Variants in MKLN1 observed in about 807,000 individuals in gnomAD.
MKLN1 encodes muskelin.
In MKLN1, 18 loss-of-function variants were observed where a neutral mutation model predicts 99.0. The observed-to-expected ratio is 0.18, with a 90% CI of 0.13 to 0.27. MKLN1 has a LOEUF of 0.27. Among genes scored for constraint, MKLN1 ranks in the 10% least tolerant of loss-of-function variants. The pLI is 1.00. For synonymous variants in MKLN1, 288 were observed against 293.2 expected, an observed-to-expected ratio of 0.98 and a Z score of 0.18; for missense variants, 621 against 875.9, an observed-to-expected ratio of 0.71 and a Z score of 3.67.
chr7:131,128,302 G>A (rs1215599963), intron 1 of MKLN1, among the ~76,000 whole-genome samples: 4 of 151,990 alleles, frequency 2.6e-5, no homozygotes, highest in Non-Finnish European at 5.9e-5. Flanking sequence ...AATGTGAAAA[G>A]TGACCCATAT....
chr7:131,439,452 A>G (rs190994409), intron 10 of MKLN1, among the ~76,000 whole-genome samples: 6 of 152,328 alleles, frequency 3.9e-5, no homozygotes, highest in African/African-American at 1.2e-4. Context: ...GGTACAGCAG[A>G]ACACTGGGGG....
chr7:131,387,097 A>G (rs1298371095), intron 2 of MKLN1, 23 bp from the exon 3 acceptor site: 2 of 1,573,874 alleles, frequency 1.3e-6, no homozygotes, highest in Non-Finnish European at 1.7e-6. Context: ...AAGAGGATAT[A>G]ATTTGGTCGT....
At chr7:131,396,630 G>A (rs1332256091) in intron 4 of MKLN1, among the ~76,000 whole-genome samples, 1 of 151,646 alleles carries the variant, frequency 6.6e-6, no homozygotes, top group African/African-American at 2.4e-5. Flanking sequence ...TATATATTGA[G>A]GGTTTAAAAA....
At chr7:131,350,032 C>G (rs80296009) in intron 1 of MKLN1, among the ~76,000 whole-genome samples, 1 of 151,980 alleles carries the variant, frequency 6.6e-6, no homozygotes, top group South Asian at 2.1e-4. Context: ...TGGTAACTAA[C>G]GATACTACAA....
In MKLN1 at chr7:131,328,077, C is replaced by T. The variant is rs1450181768; in HGVS notation, c.98+80C>T. 8 of 1,507,690 alleles carry T rather than the reference C, an allele frequency of 5.3e-6. No individual in the cohort carries two copies. The African/African-American group carries it at 6.9e-5, about 13-fold the overall frequency. The allele number at this position is 1,507,690 out of a possible 1,614,324, so 93.4% of individuals were successfully genotyped here. The stretch of plus-strand genomic sequence containing the variant: ...GGGCCAGGGGTGCAATGGAGGGCAG[C>T]CGAGCCGAGAGGCCCAGGCGGGGCC... On this transcript the variant is annotated intron_variant, in intron 1 of 17. Coordinates refer to ENST00000352689, the MANE Select transcript of MKLN1 (RefSeq NM_013255.5).
At chr7:131,416,555 C>G (rs536311553) in intron 8 of MKLN1, among the ~76,000 whole-genome samples, 9 of 148,438 alleles carry the variant, frequency 6.1e-5, no homozygotes, top group Non-Finnish European at 1.2e-4. Flanking sequence ...GAGTCTTGCT[C>G]TGTCGCCCAG....
At chr7:131,192,054 ATG>A (rs1796550832) in intron 2 of MKLN1, among the ~76,000 whole-genome samples, 1 of 101,672 alleles carries the variant, frequency 9.8e-6, no homozygotes, top group African/African-American at 4.1e-5. Flanking sequence ...ATATGTATAC[ATG>A]TATATATATA....
intron 2 of MKLN1, among the ~76,000 whole-genome samples, chr7:131,382,875 C>A (rs1488576153): frequency 6.6e-6 from 1 of 151,982 alleles, no homozygotes; most frequent in Non-Finnish European, 1.5e-5. Flanking sequence ...AGGTGCCCAC[C>A]ACCACGCCCG....
intron 3 of MKLN1, among the ~76,000 whole-genome samples, chr7:131,292,182 T>C (rs1056257813): frequency 1.3e-5 from 2 of 152,182 alleles, no homozygotes; most frequent in African/African-American, 4.8e-5. Flanking sequence ...CATGAAAATG[T>C]TGTTTGTATG....
intron 1 of MKLN1, among the ~76,000 whole-genome samples, chr7:131,125,668 C>G (rs973992314): frequency 1.3e-5 from 2 of 152,054 alleles, no homozygotes; most frequent in Non-Finnish European, 2.9e-5. Flanking sequence ...GTCAGGAGTT[C>G]GAGACCAGCC....
At chr7:131,322,427 T>C (rs1251938684) in intron 3 of MKLN1, among the ~76,000 whole-genome samples, 1 of 152,196 alleles carries the variant, frequency 6.6e-6, no homozygotes, top group South Asian at 2.1e-4. Flanking sequence ...ATTGGTTTAA[T>C]TGACTCACAG....
chr7:131,478,593 T>TTC, intron 16 of MKLN1, 30 bp from the exon 17 acceptor site: 1 of 1,389,572 alleles, frequency 7.2e-7, no homozygotes, highest in Non-Finnish European at 9.4e-7. Context: ...AATTTGCTGC[T>TTC]TCTTTTTTTT....
intron 12 of MKLN1, among the ~76,000 whole-genome samples, chr7:131,460,421 T>C (rs1796481245): frequency 6.6e-6 from 1 of 152,250 alleles, no homozygotes; most frequent in Non-Finnish European, 1.5e-5. Context: ...ATCAAGGTCT[T>C]GTATAAGTGC....
intron 3 of MKLN1, among the ~76,000 whole-genome samples, chr7:131,318,740 C>T (rs570745962): frequency 3.3e-5 from 5 of 152,070 alleles, no homozygotes; most frequent in East Asian, 3.9e-4. Context: ...CAAATAGACA[C>T]AATAAAAAAT....
intron 1 of MKLN1, among the ~76,000 whole-genome samples, chr7:131,132,164 A>C (rs1242501727): frequency 2.0e-5 from 3 of 152,228 alleles, no homozygotes; most frequent in Non-Finnish European, 4.4e-5. Flanking sequence ...GTATATCAAC[A>C]TTTCAAGTGC....
At chr7:131,418,870 G>A (rs1439362578) in intron 8 of MKLN1, among the ~76,000 whole-genome samples, 2 of 152,096 alleles carry the variant, frequency 1.3e-5, no homozygotes, top group Admixed American at 6.5e-5. Flanking sequence ...AACATGCCCT[G>A]GAACTCAATA....
At position 131,387,228 on chromosome 7, in the gene MKLN1, A is replaced by C; in HGVS notation, c.277A>C (p.Met93Leu). 6.2e-7 allele frequency: 1 copy of C among 1,612,402 alleles called. No individual in the cohort carries two copies. The highest frequency in any genetic ancestry group is 8.5e-7 in the Non-Finnish European group (1 of 1,179,328). ...NLKKFKVFGG[M>L]NEENMTELLS... is the part of the protein sequence containing the mutation. Reference sequence around the variant, plus strand: ...GAAGAAATTTAAAGTCTTTGGTGGAATGAATGAAGAAAATATGACAGAGCT... The same window carrying C: ...GAAGAAATTTAAAGTCTTTGGTGGACTGAATGAAGAAAATATGACAGAGCT... Residue 93 changes from methionine (M) to leucine (L), a missense_variant, in exon 3 of 18, where the codon ATG (methionine) becomes CTG (leucine). Coordinates refer to ENST00000352689, the MANE Select transcript of MKLN1 (RefSeq NM_013255.5).
At chr7:131,357,772 T>A (rs1431213111) in intron 1 of MKLN1, among the ~76,000 whole-genome samples, 1 of 152,214 alleles carries the variant, frequency 6.6e-6, no homozygotes, top group Non-Finnish European at 1.5e-5. Context: ...TATTACAGGA[T>A]GCTCCAGGCT....
intron 3 of MKLN1, among the ~76,000 whole-genome samples, chr7:131,319,851 T>C (rs961530242): frequency 6.6e-6 from 1 of 151,870 alleles, no homozygotes; most frequent in Non-Finnish European, 1.5e-5. Context: ...GAGAATAAAA[T>C]ACCTAGGAAT....
Sources: allele counts gnomAD v4.1 joint callset (sites outside exome capture counted in the v4.1 genomes callset), GRCh38; gene constraint gnomAD v4.1.1; transcripts MANE v1.5; gene names NCBI Gene and HGNC (gene_info 2026-07-23, HGNC 2026-07-21).